Variants in SMAD7 observed in about 807,000 individuals in gnomAD.
The protein encoded by SMAD7 is SMAD family member 7.
In SMAD7, 8 loss-of-function variants were observed where a neutral mutation model predicts 38.7. The observed-to-expected ratio is 0.21, with a 90% CI of 0.12 to 0.37. The LOEUF (loss-of-function observed/expected upper bound fraction) is 0.37. SMAD7 is among the 10% of genes least tolerant of loss of function. SMAD7 has a pLI of 1.00. For missense variants in SMAD7, 477 were observed against 577.9 expected, an observed-to-expected ratio of 0.83 and a Z score of 1.79; for synonymous variants, 327 against 265.1, an observed-to-expected ratio of 1.23 and a Z score of -2.27.
chr18:48,936,996 T>C (rs1227144080), intron 3 of SMAD7, among the ~76,000 whole-genome samples: 1 of 151,878 alleles, frequency 6.6e-6, no homozygotes. Flanking sequence ...GGAGAGTCCC[T>C]TGAATCCAGG....
chr18:48,934,119 C>T (rs1295517146), intron 3 of SMAD7, among the ~76,000 whole-genome samples: 4 of 152,198 alleles, frequency 2.6e-5, no homozygotes, highest in Non-Finnish European at 4.4e-5. Context: ...ACCTTATCTG[C>T]ACCACTGTAG....
chr18:48,938,517 C>T (rs1392931300), intron 3 of SMAD7, among the ~76,000 whole-genome samples: 2 of 152,212 alleles, frequency 1.3e-5, no homozygotes, highest in Non-Finnish European at 2.9e-5. Context: ...GGCTTCCAAT[C>T]CCTACCCTAA....
At chr18:48,944,414 A>G (rs2070174750) in intron 2 of SMAD7, among the ~76,000 whole-genome samples, 1 of 152,182 alleles carries the variant, frequency 6.6e-6, no homozygotes, top group Non-Finnish European at 1.5e-5. Context: ...AGGCAACCAC[A>G]AGCATTTTTG....
intron 2 of SMAD7, among the ~76,000 whole-genome samples, chr18:48,947,739 T>C (rs1406878741): frequency 6.6e-6 from 1 of 152,130 alleles, no homozygotes; most frequent in Non-Finnish European, 1.5e-5. Context: ...CTGGTGCCAG[T>C]CTCAAATGGG....
intron 3 of SMAD7, among the ~76,000 whole-genome samples, chr18:48,927,600 C>A (rs1446369289): frequency 6.6e-6 from 1 of 152,208 alleles, no homozygotes; most frequent in Non-Finnish European, 1.5e-5. Flanking sequence ...AGGGTTCCCC[C>A]AAGGCCAGCC....
At chr18:48,930,704 G>GCGAT (rs1458899707) in intron 3 of SMAD7, among the ~76,000 whole-genome samples, 3 of 120,920 alleles carry the variant, frequency 2.5e-5, no homozygotes, top group Non-Finnish European at 5.8e-5. Context: ...CCCACCGCAT[G>GCGAT]CGATCGGTGT....
At position 48,950,479 on chromosome 18, in the gene SMAD7, C is replaced by T; in HGVS notation, c.-55G>A. The T allele has an allele frequency of 6.8e-7, 1 of 1,472,662 alleles. No homozygotes were observed. Among genetic ancestry groups the T allele is most frequent in the Non-Finnish European group, 9.0e-7 (1 of 1,105,704 alleles). 91.2% of individuals were successfully genotyped at this position (1,472,662 alleles called of 1,614,324 possible). ...TTTGCCTGCTAAGGAGCGAACATGA[C>T]CTCCGCACACCATGAAGAAGTCGGG... On this transcript the variant is annotated 5_prime_UTR_variant, in exon 1 of 4. Transcript: ENST00000262158.
intron 3 of SMAD7, among the ~76,000 whole-genome samples, chr18:48,925,640 C>T (rs1599220806): frequency 6.6e-6 from 1 of 152,214 alleles, no homozygotes; most frequent in Non-Finnish European, 1.5e-5. Flanking sequence ...TTCCAGGAGA[C>T]CAGAGGCTCG....
At chr18:48,922,913 G>C (rs2069880057) in intron 3 of SMAD7, among the ~76,000 whole-genome samples, 1 of 152,158 alleles carries the variant, frequency 6.6e-6, no homozygotes. Flanking sequence ...TTCTGGTAAG[G>C]TAATTTTCCT....
At position 48,920,144 on chromosome 18, in the gene SMAD7, G is replaced by A. The variant is rs1035231577; in HGVS notation, c.*1228C>T. On this transcript the variant is annotated 3_prime_UTR_variant, in exon 4 of 4. Coordinates refer to ENST00000262158, the MANE Select transcript of SMAD7 (RefSeq NM_005904.4). ...CATTTTTTTCTTTAATAAATCTCAG[G>A]TTTTTTTTCAGGAGTCCTTTCTCTC... 1 of 151,292 alleles carries A rather than the reference G, an allele frequency of 6.6e-6. No homozygotes were observed. Among genetic ancestry groups the A allele is most frequent in the Non-Finnish European group, 1.5e-5 (1 of 67,768 alleles). 9.4% of individuals were successfully genotyped at this position (151,292 alleles called of 1,614,324 possible). A position where few individuals can be genotyped will look rare whatever the true frequency, so the allele number is the denominator to read the frequency against.
At chr18:48,922,255 T>C (rs556435637) in intron 3 of SMAD7, among the ~76,000 whole-genome samples, 12 of 152,342 alleles carry the variant, frequency 7.9e-5, no homozygotes, top group South Asian at 2.1e-4. Context: ...AGTCTGCTTT[T>C]AGGGCCTCAA....
At chr18:48,947,951 C>T (rs937710800) in intron 2 of SMAD7, among the ~76,000 whole-genome samples, 2 of 143,922 alleles carry the variant, frequency 1.4e-5, no homozygotes, top group Non-Finnish European at 3.0e-5. Context: ...AGTGTCTACT[C>T]CAGACCAAAG....
chr18:48,940,451 A>G (rs2070124271), intron 3 of SMAD7, among the ~76,000 whole-genome samples: 1 of 152,058 alleles, frequency 6.6e-6, no homozygotes, highest in Non-Finnish European at 1.5e-5. Flanking sequence ...AGCTTTGGGG[A>G]AAAAAAGCCC....
chr18:48,930,603 C>A (rs1212674547), intron 3 of SMAD7, among the ~76,000 whole-genome samples: 4 of 152,168 alleles, frequency 2.6e-5, no homozygotes, highest in Non-Finnish European at 5.9e-5. Context: ...GCCCCTCCCC[C>A]ACCGCGCAGG....
intron 3 of SMAD7, among the ~76,000 whole-genome samples, chr18:48,934,687 T>C (rs150866548): frequency 1.3e-5 from 2 of 152,242 alleles, no homozygotes; most frequent in East Asian, 3.9e-4. Context: ...TAAAATATTT[T>C]TTTAAATAAT....
At chr18:48,938,397 T>TG (rs796415358) in intron 3 of SMAD7, among the ~76,000 whole-genome samples, 16 of 152,298 alleles carry the variant, frequency 1.1e-4, no homozygotes, top group African/African-American at 3.6e-4. Flanking sequence ...AGCCAAGAGA[T>TG]GGAGTTTCCC....
chr18:48,930,477 C>T (rs567058206), intron 3 of SMAD7, among the ~76,000 whole-genome samples: 7 of 152,330 alleles, frequency 4.6e-5, no homozygotes, highest in African/African-American at 1.2e-4. Flanking sequence ...CCAACATACA[C>T]GGCCAGCTGC....
At chr18:48,942,733 G>A in intron 2 of SMAD7, 178 bp from the exon 3 acceptor site, 2 of 1,480,134 alleles carry the variant, frequency 1.4e-6, no homozygotes, top group Non-Finnish European at 1.8e-6. Flanking sequence ...TCGTAAGACA[G>A]ACCACAGCAC....
chr18:48,936,692 C>T (rs2070071312), intron 3 of SMAD7, among the ~76,000 whole-genome samples: 2 of 152,120 alleles, frequency 1.3e-5, no homozygotes, highest in African/African-American at 2.4e-5. Flanking sequence ...TTTGAGAGTG[C>T]TGCTCCGAGT....
Sources: gnomAD v4.1 joint callset for allele counts (sites outside exome capture counted in the v4.1 genomes callset) on GRCh38, gnomAD v4.1.1 for gene constraint, MANE v1.5 for transcripts, NCBI Gene and HGNC (gene_info 2026-07-23, HGNC 2026-07-21) for gene names.